The following CFAP206 variants were observed in gnomAD, a reference collection of about 807,000 sequenced individuals.
CFAP206 encodes the protein cilia and flagella associated protein 206.
CFAP206 carries 53 observed loss-of-function variants against 65.4 expected under a neutral mutation model. That is an observed-to-expected ratio of 0.81 (90% CI 0.65 to 1.02). CFAP206 has a LOEUF of 1.02. Among genes scored for constraint, CFAP206 ranks in the 50% least tolerant of loss-of-function variants. CFAP206 has a pLI of 0.00. For missense variants in CFAP206, 663 were observed against 753.2 expected (o/e 0.88, Z 1.40); for synonymous variants, 250 against 254.4 (o/e 0.98, Z 0.17).
Position 87,416,705 on chromosome 6 carries a change from G to T in CFAP206, c.509G>T (p.Gly170Val), listed in dbSNP as rs16879281. 6.2e-7 allele frequency: 1 copy of T among 1,612,130 alleles called. No homozygotes were observed. The change falls in exon 6 of 13, where the codon GGG becomes GTG. Residue 170 changes from glycine to valine, a missense_variant. Transcript: ENST00000369562. Reference protein sequence around the residue: ...LQSVFPQAELGTFLTLSKKDK... With the variant: ...LQSVFPQAELVTFLTLSKKDK... ...AGTGTTTTTCCTCAGGCAGAGCTTG[G>T]GACATTTCTAACTCTTTCTAAGAAG...
chr6:87,413,109 T>G (rs1767765617), intron 3 of CFAP206, among the ~76,000 whole-genome samples: 1 of 152,206 alleles, frequency 6.6e-6, no homozygotes, highest in Non-Finnish European at 1.5e-5. Context: ...AAACATCAGG[T>G]TTCTTGCCTT....
chr6:87,460,432 ACAGGTATTTACT>A (rs1768726703), intron 11 of CFAP206, among the ~76,000 whole-genome samples: 1 of 152,196 alleles, frequency 6.6e-6, no homozygotes, highest in African/African-American at 2.4e-5. Context: ...TCCATTTTCA[ACAGGTATTTACT>A]CATGTTATCA....
chr6:87,415,905 A>T (rs1767822553), intron 5 of CFAP206, 31 bp downstream of exon 5: 1 of 1,407,234 alleles, frequency 7.1e-7, no homozygotes, highest in African/African-American at 1.5e-5. Context: ...CCATTTCATA[A>T]GTGAAAATAT....
At chr6:87,424,316 G>A (rs982706581) in intron 7 of CFAP206, among the ~76,000 whole-genome samples, 2 of 151,988 alleles carry the variant, frequency 1.3e-5, no homozygotes, top group Non-Finnish European at 2.9e-5. Flanking sequence ...GTCTCGCTCT[G>A]TTGCCCAAGC....
chr6:87,409,105 A>G (rs1767681375), intron 1 of CFAP206, among the ~76,000 whole-genome samples: 1 of 152,126 alleles, frequency 6.6e-6, no homozygotes, highest in South Asian at 2.1e-4. Flanking sequence ...GTTTTCCAAG[A>G]TTCTAGTACA....
At chr6:87,450,747 A>G (rs1027312807) in intron 11 of CFAP206, among the ~76,000 whole-genome samples, 4 of 152,144 alleles carry the variant, frequency 2.6e-5, no homozygotes, top group Admixed American at 2.6e-4. Context: ...GAGCAATCAC[A>G]GTACCTTTTT....
At chr6:87,434,713 G>A in intron 10 of CFAP206, 147 bp from the exon 11 acceptor site, 2 of 470,724 alleles carry the variant, frequency 4.2e-6, no homozygotes, top group South Asian at 2.6e-5. Context: ...GGTCAGGCTG[G>A]TCTTGAACTC....
intron 11 of CFAP206, among the ~76,000 whole-genome samples, chr6:87,443,572 T>A (rs766156490): frequency 2.2e-4 from 33 of 150,874 alleles, no homozygotes; most frequent in Non-Finnish European, 3.6e-4. Flanking sequence ...ATGCAATAAA[T>A]TTCCTTTTTA....
intron 11 of CFAP206, among the ~76,000 whole-genome samples, chr6:87,453,558 A>G (rs1293690847): frequency 6.6e-6 from 1 of 152,226 alleles, no homozygotes; most frequent in African/African-American, 2.4e-5. Context: ...TTAAATAGAA[A>G]CAACAAAAAG....
intron 7 of CFAP206, among the ~76,000 whole-genome samples, chr6:87,420,637 A>G (rs1767923476): frequency 2.0e-5 from 3 of 152,212 alleles, no homozygotes; most frequent in Admixed American, 2.0e-4. Context: ...GCCTGGTGCA[A>G]CGGCTCAATA....
At chr6:87,410,923 G>A (rs986987217) in intron 3 of CFAP206, among the ~76,000 whole-genome samples, 1 of 152,138 alleles carries the variant, frequency 6.6e-6, no homozygotes, top group African/African-American at 2.4e-5. Context: ...GCAGAAAGAA[G>A]GGGGAAAGAC....
intron 1 of CFAP206, 33 bp downstream of exon 1, chr6:87,408,122 C>T (rs1767657564): frequency 3.1e-6 from 3 of 967,784 alleles, no homozygotes; most frequent in Middle Eastern, 5.3e-4. Context: ...GCCCTTGACC[C>T]GGAGGCGTAC....
intron 7 of CFAP206, among the ~76,000 whole-genome samples, chr6:87,419,324 TAG>T (rs2077979079): frequency 1.3e-5 from 2 of 152,258 alleles, no homozygotes; most frequent in African/African-American, 4.8e-5. Context: ...ACAGTATCCC[TAG>T]AGAGTTGAAA....
At chr6:87,459,333 A>G (rs761030167) in intron 11 of CFAP206, among the ~76,000 whole-genome samples, 30 of 152,146 alleles carry the variant, frequency 2.0e-4, no homozygotes, top group Non-Finnish European at 3.1e-4. Context: ...TTATCCTTCT[A>G]TTTCTACTAA....
intron 8 of CFAP206, among the ~76,000 whole-genome samples, chr6:87,427,613 A>G (rs867847018): frequency 2.0e-5 from 3 of 152,192 alleles, no homozygotes; most frequent in Non-Finnish European, 4.4e-5. Flanking sequence ...AATAAGAAAC[A>G]TATCTCACTG....
chr6:87,425,861 C>G (rs1768033715), intron 7 of CFAP206: 1 of 157,296 alleles, frequency 6.4e-6, no homozygotes, highest in Non-Finnish European at 1.4e-5. Context: ...TCATAGTAAT[C>G]AAGTCTTTAA....
At chr6:87,434,791 C>A in intron 10 of CFAP206, 69 bp from the exon 11 acceptor site, 1 of 931,900 alleles carries the variant, frequency 1.1e-6, no homozygotes, top group Non-Finnish European at 1.6e-6. Context: ...AGCCACCATG[C>A]CCAGCCAGAA....
intron 7 of CFAP206, 31 bp downstream of exon 7, chr6:87,418,447 C>A: frequency 6.3e-7 from 1 of 1,575,958 alleles, no homozygotes; most frequent in South Asian, 1.1e-5. Context: ...CTGACCTTTT[C>A]TATATAATGC....
intron 11 of CFAP206, among the ~76,000 whole-genome samples, chr6:87,443,880 G>C (rs1053850829): frequency 3.9e-5 from 6 of 152,034 alleles, no homozygotes; most frequent in African/African-American, 1.5e-4. Context: ...GTGGTATTTG[G>C]TTTTCTGTTC....
Sources: gnomAD v4.1 joint callset for allele counts (sites outside exome capture counted in the v4.1 genomes callset) on GRCh38, gnomAD v4.1.1 for gene constraint, MANE v1.5 for transcripts, NCBI Gene and HGNC (gene_info 2026-07-23, HGNC 2026-07-21) for gene names.